The following PLPP1 variants were observed in gnomAD, a reference collection of about 807,000 sequenced individuals.
PLPP1 encodes lipid phosphate phosphohydrolase 1a.
A neutral mutation model predicts 31.2 loss-of-function variants in PLPP1; 24 were observed. The observed-to-expected ratio is 0.77, with a 90% CI of 0.56 to 1.08. The LOEUF is 1.08. PLPP1 is among the 50% of genes least tolerant of loss of function. The pLI is 0.00. For synonymous variants in PLPP1, 146 were observed against 126.3 expected (o/e 1.16, Z -1.05); for missense variants, 319 against 342.7 (o/e 0.93, Z 0.55).
intron 1 of PLPP1, chr5:55,491,126 G>C (rs752667542): frequency 1.4e-5 from 23 of 1,601,600 alleles, no homozygotes; most frequent in Non-Finnish European, 1.8e-5. Flanking sequence ...TGTTGGGGAA[G>C]GGAAAAAAAG....
At chr5:55,503,839 G>A (rs1177792546) in intron 1 of PLPP1, among the ~76,000 whole-genome samples, 1 of 104,556 alleles carries the variant, frequency 9.6e-6, no homozygotes, top group Non-Finnish European at 2.0e-5. Context: ...GGGGATGAAG[G>A]GGAGGGGAGA....
chr5:55,513,850 T>C (rs1579978841), intron 1 of PLPP1, among the ~76,000 whole-genome samples: 1 of 151,986 alleles, frequency 6.6e-6, no homozygotes, highest in East Asian at 2.0e-4. Context: ...TGCTTAAACA[T>C]AGGAGGTCAA....
At chr5:55,519,958 G>C (rs1159338094) in intron 1 of PLPP1, among the ~76,000 whole-genome samples, 1 of 152,138 alleles carries the variant, frequency 6.6e-6, no homozygotes, top group East Asian at 1.9e-4. Flanking sequence ...AAGTTATGAT[G>C]AGAAGTGGCA....
chr5:55,530,795 G>A, intron 1 of PLPP1: 2 of 1,475,280 alleles, frequency 1.4e-6, no homozygotes, highest in Non-Finnish European at 1.9e-6. Flanking sequence ...TGCTGACAGG[G>A]CGCGGTCCGC....
chr5:55,473,629 A>T (rs113896513), intron 2 of PLPP1, among the ~76,000 whole-genome samples: 69 of 151,828 alleles, frequency 4.5e-4, no homozygotes, highest in African/African-American at 1.5e-3. Context: ...AACTATATAT[A>T]TTTTTTAATT....
intron 3 of PLPP1, among the ~76,000 whole-genome samples, chr5:55,443,515 G>A (rs1751683303): frequency 6.6e-6 from 1 of 152,090 alleles, no homozygotes; most frequent in Non-Finnish European, 1.5e-5. Flanking sequence ...GAGCCTACAA[G>A]TTAATAAAAG....
rs146865839 is a variant in PLPP1, at chr5:55,474,853, A to G, written c.210+446T>C. On this transcript the variant is annotated intron_variant, in intron 2 of 5. Coordinates refer to ENST00000307259, the MANE Select transcript of PLPP1 (RefSeq NM_003711.4). The stretch of plus-strand genomic sequence containing the variant: ...ACAAGATTATTAAAACAATAAAATT[A>G]GAGCTCTAACAATCACAGTGACATG... 7.2e-3 allele frequency among the ~76,000 whole-genome samples: 1,099 copies of G among 152,348 alleles called. 5 individuals are homozygous for G. The highest frequency in any genetic ancestry group is 0.027 in the Middle Eastern group (8 of 294).
chr5:55,523,270 CAATTA>C (rs1753712227), intron 1 of PLPP1, among the ~76,000 whole-genome samples: 1 of 152,014 alleles, frequency 6.6e-6, no homozygotes, highest in Non-Finnish European at 1.5e-5. Context: ...TTTAAATGTA[CAATTA>C]AATTATTATT....
At chr5:55,464,914 T>C (rs1001667206) in intron 3 of PLPP1, among the ~76,000 whole-genome samples, 2 of 152,212 alleles carry the variant, frequency 1.3e-5, no homozygotes, top group Admixed American at 6.5e-5. Flanking sequence ...ACACTTAAAA[T>C]GGGCAAAATT....
chr5:55,471,296 G>C (rs1367816760), intron 2 of PLPP1, among the ~76,000 whole-genome samples: 1 of 151,386 alleles, frequency 6.6e-6, no homozygotes, highest in Non-Finnish European at 1.5e-5. Context: ...CCGCCTCCCA[G>C]GTTCAAGTGA....
At chr5:55,464,306 A>C (rs1752236705) in intron 3 of PLPP1, among the ~76,000 whole-genome samples, 1 of 150,430 alleles carries the variant, frequency 6.6e-6, no homozygotes, top group Admixed American at 6.7e-5. Context: ...GCTAACTGCA[A>C]CCTCCACCAC....
chr5:55,449,960 A>G (rs1412031697), intron 3 of PLPP1, among the ~76,000 whole-genome samples: 1 of 151,252 alleles, frequency 6.6e-6, no homozygotes, highest in African/African-American at 2.4e-5. Context: ...AATTAACTAA[A>G]ATATAATATA....
At chr5:55,463,074 C>G (rs1355227651) in intron 3 of PLPP1, among the ~76,000 whole-genome samples, 1 of 152,088 alleles carries the variant, frequency 6.6e-6, no homozygotes, top group Non-Finnish European at 1.5e-5. Flanking sequence ...TCTCAGCAAA[C>G]TAACACAGGA....
chr5:55,514,430 C>T (rs1753510411), intron 1 of PLPP1, among the ~76,000 whole-genome samples: 1 of 152,002 alleles, frequency 6.6e-6, no homozygotes, highest in Non-Finnish European at 1.5e-5. Flanking sequence ...AAATCCAGAC[C>T]TGACACCTCA....
chr5:55,449,288 G>GTT (rs1196733788), intron 3 of PLPP1, among the ~76,000 whole-genome samples: 1 of 152,132 alleles, frequency 6.6e-6, no homozygotes, highest in Admixed American at 6.6e-5. Context: ...TCAAATGGGG[G>GTT]TTAAACTAAA....
At chr5:55,494,638 T>A (rs1561245987) in intron 1 of PLPP1, among the ~76,000 whole-genome samples, 2 of 152,168 alleles carry the variant, frequency 1.3e-5, no homozygotes, top group Admixed American at 6.5e-5. Context: ...AGCCTTCTAC[T>A]GCGGATAGTT....
chr5:55,526,079 T>C (rs190473388), intron 1 of PLPP1, among the ~76,000 whole-genome samples: 1 of 151,202 alleles, frequency 6.6e-6, no homozygotes, highest in Non-Finnish European at 1.5e-5. Context: ...ACTTCTTTTT[T>C]TAAAAAAAAA....
intron 4 of PLPP1, among the ~76,000 whole-genome samples, chr5:55,433,107 A>G (rs1751399724): frequency 1.3e-5 from 2 of 150,258 alleles, no homozygotes; most frequent in African/African-American, 4.9e-5. Flanking sequence ...TCAGGAGTTC[A>G]CAACAGCCTG....
At chr5:55,528,256 A>G (rs1195455110) in intron 1 of PLPP1, among the ~76,000 whole-genome samples, 5 of 152,160 alleles carry the variant, frequency 3.3e-5, no homozygotes, top group African/African-American at 1.2e-4. Context: ...AATTCCAGGT[A>G]ACTTCTGACC....
Sources: allele counts gnomAD v4.1 joint callset (sites outside exome capture counted in the v4.1 genomes callset), GRCh38; gene constraint gnomAD v4.1.1; transcripts MANE v1.5; gene names NCBI Gene and HGNC (gene_info 2026-07-23, HGNC 2026-07-21).